The following LRMDA variants were observed in gnomAD, a reference collection of about 807,000 sequenced individuals.
The protein encoded by LRMDA is leucine rich melanocyte differentiation associated.
A neutral mutation model predicts 29.8 loss-of-function variants in LRMDA; 18 were observed. The ratio of observed to expected loss-of-function variants is 0.60; its 90% CI spans 0.42 to 0.90. The LOEUF (loss-of-function observed/expected upper bound fraction) is 0.90, where lower values mean the gene tolerates loss of function less well. Among genes scored for constraint, LRMDA ranks in the 40% least tolerant of loss-of-function variants. The probability of loss-of-function intolerance (pLI) is 0.00; values close to 1 mark genes in which losing one functional copy is unlikely to be tolerated. For missense variants in LRMDA, 273 were observed against 273.9 expected (o/e 1.00, Z 0.02); for synonymous variants, 125 against 109.4 (o/e 1.14, Z -0.89).
chr10:75,611,386 A>G (rs966674960), intron 2 of LRMDA, among the ~76,000 whole-genome samples: 4 of 152,140 alleles, frequency 2.6e-5, no homozygotes, highest in African/African-American at 9.7e-5. Flanking sequence ...CATTCAAACT[A>G]TTTTTAAGTG....
intron 6 of LRMDA, among the ~76,000 whole-genome samples, chr10:76,361,570 G>T (rs2132444759): frequency 1.3e-5 from 2 of 152,204 alleles, no homozygotes; most frequent in South Asian, 4.1e-4. Flanking sequence ...CCAAGTACCT[G>T]GCTTAGGGCA....
chr10:75,934,617 C>T (rs754940438), intron 2 of LRMDA, among the ~76,000 whole-genome samples: 14 of 152,122 alleles, frequency 9.2e-5, no homozygotes, highest in Non-Finnish European at 1.8e-4. Context: ...GGGTGTGCTC[C>T]TGGCTAGTGG....
chr10:76,551,540 A>G (rs1370908343), intron 6 of LRMDA, among the ~76,000 whole-genome samples: 1 of 152,222 alleles, frequency 6.6e-6, no homozygotes, highest in Non-Finnish European at 1.5e-5. Context: ...TACACATTTG[A>G]TAGAAGATGT....
At chr10:76,467,564 G>A (rs1842576643) in intron 6 of LRMDA, among the ~76,000 whole-genome samples, 1 of 152,184 alleles carries the variant, frequency 6.6e-6, no homozygotes, top group Non-Finnish European at 1.5e-5. Context: ...ACTCTGGCCA[G>A]AGGACATTGC....
At chr10:75,529,281 A>G (rs923887951) in intron 2 of LRMDA, among the ~76,000 whole-genome samples, 1 of 152,218 alleles carries the variant, frequency 6.6e-6, no homozygotes, top group Non-Finnish European at 1.5e-5. Flanking sequence ...CCAAATGGCA[A>G]CATGGGAAGC....
chr10:76,209,422 G>A (rs1851596468), intron 5 of LRMDA, among the ~76,000 whole-genome samples: 3 of 152,058 alleles, frequency 2.0e-5, no homozygotes, highest in Non-Finnish European at 2.9e-5. Context: ...GTTTCCCTCT[G>A]GGCCTTCGTC....
intron 2 of LRMDA, among the ~76,000 whole-genome samples, chr10:75,512,900 T>G (rs1228587092): frequency 6.6e-6 from 1 of 152,180 alleles, no homozygotes; most frequent in Non-Finnish European, 1.5e-5. Flanking sequence ...TTAAACAAAA[T>G]TTGACAGATG....
At position 75,844,539 on chromosome 10, in the gene LRMDA, C is replaced by T. The variant is rs73279266; in HGVS notation, c.132-191469C>T. ...TACCCGGGCTCACTCCATCTTGGCT[C>T]CCCCGTGATGACTCCAATTTTCTCG... On this transcript the variant is annotated intron_variant, in intron 2 of 6. Transcript: ENST00000611255. Among the ~76,000 whole-genome samples, 1,198 of 151,998 alleles carry T rather than the reference C, an allele frequency of 7.9e-3. 17 individuals are homozygous for T. Among genetic ancestry groups the T allele is most frequent in the African/African-American group, 0.027 (1,121 of 41,272 alleles).
intron 2 of LRMDA, among the ~76,000 whole-genome samples, chr10:75,690,842 G>A (rs1326030346): frequency 2.0e-5 from 3 of 150,880 alleles, no homozygotes; most frequent in Non-Finnish European, 3.0e-5. Flanking sequence ...GCATGGCGGT[G>A]TGCACCTACA....
chr10:76,490,839 G>A (rs117817201), intron 6 of LRMDA, among the ~76,000 whole-genome samples: 38 of 151,844 alleles, frequency 2.5e-4, no homozygotes, highest in East Asian at 1.6e-3. Context: ...GTTGTTTTGC[G>A]GTCATCTCTT....
At chr10:76,138,447 C>T (rs1436175432) in intron 5 of LRMDA, among the ~76,000 whole-genome samples, 3 of 151,272 alleles carry the variant, frequency 2.0e-5, no homozygotes, top group African/African-American at 7.3e-5. Context: ...AAACCTACTC[C>T]CCCCATTTGC....
chr10:75,782,485 T>C (rs1391330628), intron 2 of LRMDA, among the ~76,000 whole-genome samples: 1 of 152,222 alleles, frequency 6.6e-6, no homozygotes, highest in African/African-American at 2.4e-5. Context: ...TTGTTTTTTA[T>C]GGGTGATTTT....
intron 2 of LRMDA, among the ~76,000 whole-genome samples, chr10:75,689,332 A>G (rs1247942743): frequency 6.6e-6 from 1 of 152,204 alleles, no homozygotes; most frequent in Non-Finnish European, 1.5e-5. Flanking sequence ...TTTGAGGGTT[A>G]TTTGTGGATT....
intron 6 of LRMDA, among the ~76,000 whole-genome samples, chr10:76,348,216 A>T (rs1429737003): frequency 6.6e-6 from 1 of 152,176 alleles, no homozygotes; most frequent in East Asian, 1.9e-4. Context: ...CTTCTGGGCC[A>T]CTGAGAAAGG....
At chr10:76,462,638 T>G (rs1161865549) in intron 6 of LRMDA, among the ~76,000 whole-genome samples, 1 of 152,156 alleles carries the variant, frequency 6.6e-6, no homozygotes, top group Non-Finnish European at 1.5e-5. Context: ...CATCTTTGCC[T>G]GTGCTGAGTG....
At chr10:75,613,073 A>G (rs572388585) in intron 2 of LRMDA, among the ~76,000 whole-genome samples, 2 of 151,278 alleles carry the variant, frequency 1.3e-5, no homozygotes, top group Non-Finnish European at 2.9e-5. Flanking sequence ...CAGGACAGGC[A>G]TGTTACACAG....
chr10:75,625,394 A>G (rs1352861902), intron 2 of LRMDA, among the ~76,000 whole-genome samples: 1 of 152,218 alleles, frequency 6.6e-6, no homozygotes, highest in African/African-American at 2.4e-5. Context: ...TCAAGGCCAT[A>G]AAGCCCGAGA....
At chr10:76,328,401 A>G (rs991477448) in intron 6 of LRMDA, among the ~76,000 whole-genome samples, 2 of 152,150 alleles carry the variant, frequency 1.3e-5, no homozygotes, top group African/African-American at 4.8e-5. Context: ...CCTCAGGGTA[A>G]CCCTGTAAAG....
At chr10:75,511,823 A>G (rs114499267) in intron 2 of LRMDA, among the ~76,000 whole-genome samples, 138 of 152,202 alleles carry the variant, frequency 9.1e-4, no homozygotes, top group African/African-American at 3.2e-3. Flanking sequence ...CCCACCAGAG[A>G]GAATTGGGTC....
Sources: gnomAD v4.1 joint callset for allele counts (sites outside exome capture counted in the v4.1 genomes callset) on GRCh38, gnomAD v4.1.1 for gene constraint, MANE v1.5 for transcripts, NCBI Gene and HGNC (gene_info 2026-07-23, HGNC 2026-07-21) for gene names.